Variants in KCNQ5 observed in about 807,000 individuals in gnomAD.
KCNQ5 encodes potassium voltage-gated channel subfamily KQT member 5.
A neutral mutation model predicts 98.2 loss-of-function variants in KCNQ5; 30 were observed. That is an observed-to-expected ratio of 0.31 (90% CI 0.23 to 0.41). The LOEUF is 0.41. Ranked by LOEUF, KCNQ5 falls within the 10% of genes least tolerant of loss-of-function variation. The pLI is 1.00. For synonymous variants in KCNQ5, 458 were observed against 449.4 expected (o/e 1.02, Z -0.24); for missense variants, 835 against 1,182.5 (o/e 0.71, Z 4.31).
At chr6:72,963,988 TA>T (rs1189856246) in intron 1 of KCNQ5, among the ~76,000 whole-genome samples, 1 of 152,216 alleles carries the variant, frequency 6.6e-6, no homozygotes, top group Non-Finnish European at 1.5e-5. Flanking sequence ...GAGCTTCGTA[TA>T]TTTTTTTGTG....
At chr6:72,658,555 A>G (rs1766319961) in intron 1 of KCNQ5, among the ~76,000 whole-genome samples, 1 of 118,122 alleles carries the variant, frequency 8.5e-6, no homozygotes, top group Admixed American at 9.1e-5. Flanking sequence ...TGCTGGGATT[A>G]AAGGATATAT....
intron 1 of KCNQ5, among the ~76,000 whole-genome samples, chr6:72,953,166 T>C (rs1443479022): frequency 1.3e-5 from 2 of 152,126 alleles, no homozygotes; most frequent in Non-Finnish European, 1.5e-5. Context: ...TCGTGGACCT[T>C]ACAACCCCAT....
chr6:72,983,416 TA>T (rs1377139930), intron 1 of KCNQ5, among the ~76,000 whole-genome samples: 1 of 152,180 alleles, frequency 6.6e-6, no homozygotes, highest in African/African-American at 2.4e-5. Context: ...TTCATTTCAT[TA>T]ATTTGATCTT....
intron 1 of KCNQ5, among the ~76,000 whole-genome samples, chr6:72,842,492 G>A (rs1044229477): frequency 1.3e-5 from 2 of 152,150 alleles, no homozygotes; most frequent in Non-Finnish European, 2.9e-5. Flanking sequence ...AGGTCACAAT[G>A]TAGTTTATCT....
At chr6:73,051,839 A>G (rs4566855) in intron 3 of KCNQ5, among the ~76,000 whole-genome samples, 150,234 of 152,194 alleles carry the variant, frequency 0.99, 74,176 homozygotes, top group Middle Eastern at 1. Context: ...AAGTCAGAGT[A>G]CTTTCTTACC....
intron 13 of KCNQ5, among the ~76,000 whole-genome samples, chr6:73,192,992 T>C (rs1006871911): frequency 2.0e-5 from 3 of 151,702 alleles, no homozygotes; most frequent in African/African-American, 7.3e-5. Flanking sequence ...TTTCAGTTGT[T>C]TTTATTGTTT....
intron 2 of KCNQ5, among the ~76,000 whole-genome samples, chr6:73,025,541 T>C (rs1285912796): frequency 2.0e-5 from 3 of 149,680 alleles, no homozygotes; most frequent in African/African-American, 5.0e-5. Flanking sequence ...GGAGAATCAC[T>C]TGAGCCGGGA....
chr6:73,097,894 C>T (rs1422539608), intron 5 of KCNQ5, among the ~76,000 whole-genome samples: 1 of 152,108 alleles, frequency 6.6e-6, no homozygotes, highest in Non-Finnish European at 1.5e-5. Flanking sequence ...CCAGGAAAGC[C>T]TTCCCAAGGA....
At chr6:72,794,089 G>A (rs79852652) in intron 1 of KCNQ5, among the ~76,000 whole-genome samples, 6,612 of 152,226 alleles carry the variant, frequency 0.043, 456 homozygotes, top group African/African-American at 0.15. Context: ...CATAAAATTC[G>A]AAGAAAATCA....
intron 10 of KCNQ5, among the ~76,000 whole-genome samples, chr6:73,140,229 C>T (rs183668802): frequency 1.3e-5 from 2 of 152,324 alleles, no homozygotes; most frequent in African/African-American, 4.8e-5. Context: ...CACGAGCTTT[C>T]ATCTTACACT....
chr6:73,015,741 G>A (rs1241054459), intron 2 of KCNQ5, among the ~76,000 whole-genome samples: 1 of 152,122 alleles, frequency 6.6e-6, no homozygotes, highest in African/African-American at 2.4e-5. Flanking sequence ...AAACAAGGTA[G>A]TATGATAAAT....
At chr6:73,122,422 A>G (rs139825179) in intron 8 of KCNQ5, among the ~76,000 whole-genome samples, 2 of 152,126 alleles carry the variant, frequency 1.3e-5, no homozygotes, top group East Asian at 3.9e-4. Flanking sequence ...AGTTCTTTCT[A>G]CTCCTCTGAT....
At position 73,135,126 on chromosome 6, in the gene KCNQ5, C is replaced by G. The variant is rs901160826; in HGVS notation, c.1468+1485C>G. Reference sequence around the variant, plus strand: ...TTCTATTTCTAGGATATAATAGATACAATGAAACAATGTCAGGCATTAGAA... The same window carrying G: ...TTCTATTTCTAGGATATAATAGATAGAATGAAACAATGTCAGGCATTAGAA... On this transcript the variant is annotated intron_variant, in intron 10 of 13. Transcript: ENST00000370398. The G allele has an allele frequency of 5.9e-5, 9 of 152,128 alleles. No homozygotes were observed. The East Asian group carries it at 1.7e-3, about 29-fold the overall frequency. 9.4% of individuals were successfully genotyped at this position (152,128 alleles called of 1,614,324 possible). A position where few individuals can be genotyped will look rare whatever the true frequency, so the allele number is the denominator to read the frequency against.
intron 1 of KCNQ5, among the ~76,000 whole-genome samples, chr6:72,687,966 G>A (rs1242253869): frequency 2.0e-5 from 3 of 151,528 alleles, no homozygotes; most frequent in Admixed American, 2.0e-4. Context: ...AGCCTCCCAA[G>A]TAGCTGGGAC....
chr6:73,024,374 A>ACATAGAT (rs1770761196), intron 2 of KCNQ5, among the ~76,000 whole-genome samples: 1 of 42,946 alleles, frequency 2.3e-5, no homozygotes, highest in African/African-American at 7.9e-5. Context: ...ATAGATAGAT[A>ACATAGAT]GATAGATGAT....
rs146428019 is a variant in KCNQ5, at chr6:73,160,703, C to T, written c.1469-9043C>T. ...AACACAGGATGGCGGATTAGCCAAACACTGCTCAGCTCTGGCTGAGGGAGA... is the reference window on the plus strand; with the variant it reads ...AACACAGGATGGCGGATTAGCCAAATACTGCTCAGCTCTGGCTGAGGGAGA... On this transcript the variant is annotated intron_variant, in intron 10 of 13. Transcript: ENST00000370398. Among the ~76,000 whole-genome samples the T allele has an allele frequency of 2.8e-3, 424 of 152,284 alleles. 1 individual carries two copies. Among genetic ancestry groups the T allele is most frequent in the Middle Eastern group, 6.8e-3 (2 of 294 alleles).
At position 73,042,007 on chromosome 6, in the gene KCNQ5, A is replaced by C; in HGVS notation, c.561A>C (p.Arg187=). The C allele has an allele frequency of 6.2e-7, 1 of 1,613,904 alleles. No homozygotes were observed. Among genetic ancestry groups the C allele is most frequent in the Non-Finnish European group, 8.5e-7 (1 of 1,179,826 alleles). ...TCTGGTCTGCGGGTTGCTGTTGTCG[A>C]TATAGAGGATGGCAAGGAAGACTGA... ...IRIWSAGCCC[R]YRGWQGRLRF... The change falls in exon 3 of 14, where the codon CGA becomes CGC. Residue 187 remains arginine (R), a synonymous_variant. Coordinates refer to ENST00000370398, the MANE Select transcript of KCNQ5 (RefSeq NM_019842.4).
intron 1 of KCNQ5, among the ~76,000 whole-genome samples, chr6:72,770,509 A>C (rs1204508089): frequency 6.6e-6 from 1 of 152,182 alleles, no homozygotes; most frequent in Non-Finnish European, 1.5e-5. Context: ...TCTGCAGAAC[A>C]ATCAGTTTTG....
chr6:72,863,760 G>C (rs977361724), intron 1 of KCNQ5, among the ~76,000 whole-genome samples: 1 of 152,002 alleles, frequency 6.6e-6, no homozygotes, highest in Admixed American at 6.5e-5. Flanking sequence ...GTTGTGTAAG[G>C]GTGTTTTATT....
Sources: gnomAD v4.1 joint callset for allele counts (sites outside exome capture counted in the v4.1 genomes callset) on GRCh38, gnomAD v4.1.1 for gene constraint, MANE v1.5 for transcripts, NCBI Gene and HGNC (gene_info 2026-07-23, HGNC 2026-07-21) for gene names.